Variants in GSE1 observed in about 807,000 individuals in gnomAD.
The protein encoded by GSE1 is genetic suppressor element 1.
GSE1 carries 32 observed loss-of-function variants against 112.6 expected under a neutral mutation model. The ratio of observed to expected loss-of-function variants is 0.28; its 90% CI spans 0.21 to 0.38. The LOEUF is 0.38. Among genes scored for constraint, GSE1 ranks in the 10% least tolerant of loss-of-function variants. GSE1 has a pLI of 1.00. For synonymous variants in GSE1, 1,115 were observed against 735.6 expected (o/e 1.52, Z -8.35); for missense variants, 2,348 against 1,699.2 (o/e 1.38, Z -6.71).
chr16:85,317,568 A>C (rs558232297), intron 1 of GSE1, among the ~76,000 whole-genome samples: 8 of 152,068 alleles, frequency 5.3e-5, no homozygotes, highest in Admixed American at 1.3e-4. Flanking sequence ...GTTGGTGAGC[A>C]TCCATGCGCC....
chr16:85,635,370 C>A (rs2049905411), intron 2 of GSE1, among the ~76,000 whole-genome samples: 1 of 152,222 alleles, frequency 6.6e-6, no homozygotes, highest in Non-Finnish European at 1.5e-5. Context: ...ACCCTCCACG[C>A]CCTTGGCAGG....
At position 85,248,719 on chromosome 16, in the gene GSE1, G is replaced by C. The variant is rs140677298; in HGVS notation, c.2283+76912G>C. 3.4e-3 allele frequency among the ~76,000 whole-genome samples: 512 copies of C among 152,328 alleles called. 2 individuals are homozygous for C. Among genetic ancestry groups the C allele is most frequent in the African/African-American group, 0.012 (495 of 41,564 alleles). On this transcript the variant is annotated intron_variant, in intron 1 of 2. Coordinates refer to the GSE1 transcript ENST00000637419. ...TGGCTAGAACCAAGCAGGGAGGGGG[G>C]TGCTGGCTGGAGCCATCTCCCCCCA...
At chr16:85,617,498 C>T (rs2151599425) in intron 1 of GSE1, among the ~76,000 whole-genome samples, 1 of 151,762 alleles carries the variant, frequency 6.6e-6, no homozygotes, top group African/African-American at 2.4e-5. Flanking sequence ...TTTGAATCAC[C>T]TGGGGAGCTT....
At chr16:85,251,445 C>T (rs1906470483) in intron 1 of GSE1, among the ~76,000 whole-genome samples, 2 of 152,272 alleles carry the variant, frequency 1.3e-5, no homozygotes. Context: ...GCAGCACAGT[C>T]CTGTTCTCTG....
chr16:85,501,002 T>TTG (rs1555522863), intron 2 of GSE1, among the ~76,000 whole-genome samples: 4 of 127,372 alleles, frequency 3.1e-5, no homozygotes, highest in African/African-American at 1.3e-4. Context: ...TGTTCTGTTT[T>TTG]TTTTTTTTTT....
At chr16:85,385,764 G>T (rs995559461) in intron 2 of GSE1, among the ~76,000 whole-genome samples, 2 of 152,228 alleles carry the variant, frequency 1.3e-5, no homozygotes, top group East Asian at 1.9e-4. Context: ...CGGTAATGGG[G>T]TCATAGATCA....
At chr16:85,242,060 C>T (rs1392495984) in intron 1 of GSE1, among the ~76,000 whole-genome samples, 1 of 152,136 alleles carries the variant, frequency 6.6e-6, no homozygotes, top group African/African-American at 2.4e-5. Context: ...CCTCCACTCT[C>T]AGGAGCTGCA....
At chr16:85,200,196 G>T (rs762891873) in intron 1 of GSE1, among the ~76,000 whole-genome samples, 23 of 151,992 alleles carry the variant, frequency 1.5e-4, no homozygotes, top group Non-Finnish European at 2.8e-4. Flanking sequence ...TAATACACAG[G>T]TTTGTCCTTG....
chr16:85,235,307 G>T (rs1343089362), intron 1 of GSE1, among the ~76,000 whole-genome samples: 1 of 151,632 alleles, frequency 6.6e-6, no homozygotes, highest in African/African-American at 2.4e-5. Context: ...CTGCTGGGGG[G>T]TGACGGCTCC....
At chr16:85,364,405 A>G (rs2151585657) in intron 2 of GSE1, among the ~76,000 whole-genome samples, 1 of 152,344 alleles carries the variant, frequency 6.6e-6, no homozygotes, top group East Asian at 1.9e-4. Flanking sequence ...TTTCCCAGGT[A>G]AGGTGGCACG....
At chr16:85,531,423 T>C (rs756232623) in intron 2 of GSE1, among the ~76,000 whole-genome samples, 3 of 151,818 alleles carry the variant, frequency 2.0e-5, no homozygotes, top group Admixed American at 6.6e-5. Context: ...CTCTCGTCCA[T>C]AGATTCTCAT....
At chr16:85,475,611 C>A (rs2050427734) in intron 2 of GSE1, among the ~76,000 whole-genome samples, 1 of 152,140 alleles carries the variant, frequency 6.6e-6, no homozygotes, top group African/African-American at 2.4e-5. Context: ...AGTGCCTGGG[C>A]AATTCTGGGC....
intron 2 of GSE1, among the ~76,000 whole-genome samples, chr16:85,396,203 C>G (rs760618871): frequency 2.0e-5 from 3 of 152,250 alleles, no homozygotes; most frequent in Non-Finnish European, 4.4e-5. Flanking sequence ...GTCTCCTCCC[C>G]AGTTCCCCAA....
chr16:85,498,695 T>C (rs1465014633), intron 2 of GSE1, among the ~76,000 whole-genome samples: 8 of 152,236 alleles, frequency 5.3e-5, no homozygotes, highest in Non-Finnish European at 8.8e-5. Flanking sequence ...CACACAGTGG[T>C]GGCTGTGACC....
intron 1 of GSE1, among the ~76,000 whole-genome samples, chr16:85,236,029 G>A (rs1270362231): frequency 2.0e-5 from 3 of 151,666 alleles, no homozygotes; most frequent in Non-Finnish European, 2.9e-5. Flanking sequence ...GCTGCGGCTG[G>A]GGCTGGGGCT....
intron 4 of GSE1, 28 bp downstream of exon 4, chr16:85,654,478 A>T (rs752120451): frequency 9.7e-6 from 15 of 1,540,828 alleles, no homozygotes; most frequent in East Asian, 2.3e-5. Flanking sequence ...GACTTCGGTG[A>T]GGTGGCCAGG....
chr16:85,424,538 G>C (rs1020420786), intron 2 of GSE1, among the ~76,000 whole-genome samples: 2 of 152,212 alleles, frequency 1.3e-5, no homozygotes, highest in African/African-American at 4.8e-5. Context: ...CATGTGCAAG[G>C]CTGCCCCTGA....
exon 1 of GSE1, chr16:85,169,797 C>T: frequency 1.0e-6 from 1 of 984,270 alleles, no homozygotes; most frequent in African/African-American, 1.7e-5. Context: ...CCGTGTGCCG[C>T]TGCTTCCTGG....
rs1555525619 is a variant in GSE1 at position 85,516,456 on chromosome 16, A to AC, written c.2465-117457dup. ...GCTGCATAGAGAGACCCCCATCTCT[A>AC]CAAAAAAAAAAAAAAAAAAAAAAAT... On this transcript the variant is annotated intron_variant, in intron 2 of 2. Coordinates refer to the GSE1 transcript ENST00000637419. Among the ~76,000 whole-genome samples the AC allele has an allele frequency of 2.5e-5, 3 of 122,124 alleles. No individual in the cohort carries two copies. The Admixed American group carries it at 2.5e-4, about 10-fold the overall frequency. 80.1% of individuals were successfully genotyped at this position (122,124 alleles called of 152,430 possible). A position where few individuals can be genotyped will look rare whatever the true frequency, so the allele number is the denominator to read the frequency against.
Sources: allele counts gnomAD v4.1 joint callset (sites outside exome capture counted in the v4.1 genomes callset), GRCh38; gene constraint gnomAD v4.1.1; transcripts MANE v1.5; gene names NCBI Gene and HGNC (gene_info 2026-07-23, HGNC 2026-07-21).